MPHOSPH9: variants seen among roughly 807,000 people sequenced by gnomAD.
MPHOSPH9 encodes the protein M-phase phosphoprotein 9.
A neutral mutation model predicts 145.5 loss-of-function variants in MPHOSPH9; 88 were observed. That is an observed-to-expected ratio of 0.60 (90% CI 0.51 to 0.72). The LOEUF is 0.72. MPHOSPH9 is among the 30% of genes least tolerant of loss of function. MPHOSPH9 has a pLI of 0.00. For missense variants in MPHOSPH9, 1,238 were observed against 1,386.6 expected (o/e 0.89, Z 1.70); for synonymous variants, 435 against 486.2 (o/e 0.89, Z 1.39).
Position 123,227,477 on chromosome 12 carries a change from AAAGTTCCG to A in MPHOSPH9, c.236_243del (p.Ser79LeufsTer5). On this transcript the variant is annotated frameshift_variant, in exon 3 of 24. Transcript: ENST00000606320. LOFTEE classifies it high-confidence loss of function. ...AAATTAGATACCTCACAGTTTTTCC[AAAGTTCCG>A]AATCAGTCTTTCCACTGTTTTGTAG... 6.7e-7 allele frequency: 1 copy of A among 1,490,446 alleles called. No homozygotes were observed. Among genetic ancestry groups the A allele is most frequent in the Non-Finnish European group, 8.9e-7 (1 of 1,124,804 alleles). 92.3% of individuals were successfully genotyped at this position (1,490,446 alleles called of 1,614,324 possible).
intron 6 of MPHOSPH9, among the ~76,000 whole-genome samples, chr12:123,218,063 TGGCCA>T (rs2047044004): frequency 1.4e-5 from 2 of 147,300 alleles, no homozygotes; most frequent in East Asian, 3.9e-4. Context: ...AAAAAAAAAT[TGGCCA>T]GGCATGGTGG....
chr12:123,187,511 T>C (rs998782562), intron 13 of MPHOSPH9, among the ~76,000 whole-genome samples: 1 of 152,082 alleles, frequency 6.6e-6, no homozygotes, highest in Non-Finnish European at 1.5e-5. Flanking sequence ...CTGACAGTAA[T>C]ATTTGTATGA....
chr12:123,161,097 T>C, intron 22 of MPHOSPH9, 39 bp downstream of exon 22: 1 of 1,605,238 alleles, frequency 6.2e-7, no homozygotes, highest in Non-Finnish European at 8.5e-7. Flanking sequence ...AAGCATTAAG[T>C]TCAGAAAACA....
chr12:123,210,830 T>A (rs2046670475), intron 7 of MPHOSPH9, among the ~76,000 whole-genome samples: 1 of 151,984 alleles, frequency 6.6e-6, no homozygotes, highest in Admixed American at 6.6e-5. Flanking sequence ...TCTCGCTCTG[T>A]TGCCCAAGAT....
intron 3 of MPHOSPH9, among the ~76,000 whole-genome samples, chr12:123,226,763 G>C (rs776870940): frequency 1.1e-4 from 17 of 152,090 alleles, no homozygotes; most frequent in Non-Finnish European, 2.4e-4. Context: ...CAAGTAGCTA[G>C]GACTACAGAC....
Position 123,227,565 on chromosome 12 carries a change from G to C in MPHOSPH9, c.156C>G (p.Thr52=). 6.5e-7 allele frequency: 1 copy of C among 1,532,548 alleles called. No homozygotes were observed. 94.9% of individuals were successfully genotyped at this position (1,532,548 alleles called of 1,614,324 possible). ...CTGTACCTTGAATTACAGATGGTCT[G>C]GTCTTCCCTGAGAAAGAGGATACCC... ...TNGVSSFSGK[T]RPSVIQGTVE... The change falls in exon 3 of 24, where the codon ACC becomes ACG. Residue 52 remains threonine (T), a synonymous_variant. Transcript: ENST00000606320.
At chr12:123,238,384 A>G (rs749763850) in intron 1 of MPHOSPH9, among the ~76,000 whole-genome samples, 11 of 152,162 alleles carry the variant, frequency 7.2e-5, no homozygotes, top group Non-Finnish European at 1.5e-4. Flanking sequence ...TTTGAGACCT[A>G]TGGTTTCATC....
At chr12:123,201,247 T>TG (rs1593173708) in intron 11 of MPHOSPH9, among the ~76,000 whole-genome samples, 1 of 151,378 alleles carries the variant, frequency 6.6e-6, no homozygotes, top group Non-Finnish European at 1.5e-5. Flanking sequence ...TGTTTTGTTT[T>TG]TTTGAAAGTT....
chr12:123,157,527 C>A (rs571879140), intron 23 of MPHOSPH9, among the ~76,000 whole-genome samples: 3 of 152,302 alleles, frequency 2.0e-5, no homozygotes, highest in African/African-American at 7.2e-5. Flanking sequence ...TCACCCAAAG[C>A]TGAACTGCAA....
At chr12:123,181,564 A>C (rs2045146260) in intron 13 of MPHOSPH9, among the ~76,000 whole-genome samples, 1 of 151,976 alleles carries the variant, frequency 6.6e-6, no homozygotes, top group Admixed American at 6.6e-5. Context: ...ACAAAAACAA[A>C]AAAAAAACAA....
chr12:123,216,018 A>G (rs766787136), intron 6 of MPHOSPH9, among the ~76,000 whole-genome samples: 9 of 152,240 alleles, frequency 5.9e-5, no homozygotes, highest in Non-Finnish European at 1.3e-4. Context: ...CGGGCAGATC[A>G]CGAGGTCAGG....
At chr12:123,187,327 A>C (rs1251722736) in intron 13 of MPHOSPH9, among the ~76,000 whole-genome samples, 2 of 152,220 alleles carry the variant, frequency 1.3e-5, no homozygotes, top group Non-Finnish European at 2.9e-5. Flanking sequence ...AGAATATGAT[A>C]TACCTCGAGA....
rs1464658793 is a variant in MPHOSPH9, at chr12:123,176,622, G to A, written c.2456+66C>T. 5.8e-6 allele frequency: 7 copies of A among 1,208,076 alleles called. No individual in the cohort carries two copies. In the East Asian group the frequency reaches 9.5e-5, roughly 16 times the overall value. The allele number at this position is 1,208,076 out of a possible 1,614,324, so 74.8% of individuals were successfully genotyped here. A position where few individuals can be genotyped will look rare whatever the true frequency, so the allele number is the denominator to read the frequency against. ...ACTTTCTTATGATTTAGACAGATGA[G>A]TTTCTCGTCTTAATAAAAGCATGCA... is the stretch of plus-strand genomic sequence containing the variant. On this transcript the variant is annotated intron_variant, in intron 16 of 23. Coordinates refer to ENST00000606320, the MANE Select transcript of MPHOSPH9 (RefSeq NM_022782.4).
At chr12:123,226,978 T>G (rs1284817169) in intron 3 of MPHOSPH9, among the ~76,000 whole-genome samples, 1 of 152,154 alleles carries the variant, frequency 6.6e-6, no homozygotes, top group African/African-American at 2.4e-5. Context: ...ATATCACAAT[T>G]TAACCTATGA....
intron 18 of MPHOSPH9, among the ~76,000 whole-genome samples, chr12:123,164,746 T>A (rs1046202177): frequency 6.6e-6 from 1 of 152,134 alleles, no homozygotes; most frequent in Non-Finnish European, 1.5e-5. Flanking sequence ...ACACTTTGTG[T>A]TTACACTTTG....
chr12:123,180,745 C>T (rs1177227704), intron 14 of MPHOSPH9, among the ~76,000 whole-genome samples: 2 of 152,062 alleles, frequency 1.3e-5, no homozygotes, highest in Non-Finnish European at 2.9e-5. Context: ...TGGTGGCGCA[C>T]ACCTGTAATC....
intron 18 of MPHOSPH9, among the ~76,000 whole-genome samples, 159 bp from the exon 19 acceptor site, chr12:123,164,249 T>C (rs1350099403): frequency 6.6e-6 from 1 of 152,188 alleles, no homozygotes; most frequent in Non-Finnish European, 1.5e-5. Flanking sequence ...TAGGTTATAG[T>C]GACTATTTGC....
At chr12:123,218,246 C>A (rs1200470227) in intron 6 of MPHOSPH9, 130 bp downstream of exon 6, 57 of 1,341,308 alleles carry the variant, frequency 4.2e-5, no homozygotes, top group African/African-American at 1.2e-4. Context: ...AAAACAACAA[C>A]AAAAAAAATG....
At chr12:123,214,608 T>C (rs1300984146) in intron 7 of MPHOSPH9, 136 bp downstream of exon 7, 12 of 656,160 alleles carry the variant, frequency 1.8e-5, no homozygotes, top group Non-Finnish European at 2.9e-5. Context: ...TACAAAACCA[T>C]ACTACTATAC....
Sources: gnomAD v4.1 joint callset for allele counts (sites outside exome capture counted in the v4.1 genomes callset) on GRCh38, gnomAD v4.1.1 for gene constraint, MANE v1.5 for transcripts, NCBI Gene and HGNC (gene_info 2026-07-23, HGNC 2026-07-21) for gene names.